The following MTUS2 variants were observed in gnomAD, a reference collection of about 807,000 sequenced individuals.
MTUS2 encodes microtubule-associated tumor suppressor candidate 2.
A neutral mutation model predicts 114.1 loss-of-function variants in MTUS2; 40 were observed. The observed-to-expected ratio is 0.35, with a 90% CI of 0.27 to 0.46. MTUS2 has a LOEUF of 0.46. Ranked by LOEUF, MTUS2 falls within the 20% of genes least tolerant of loss-of-function variation. The pLI, the probability that MTUS2 is intolerant of heterozygous loss-of-function variation, is 1.00. For synonymous variants in MTUS2, 688 were observed against 672.0 expected, an observed-to-expected ratio of 1.02 and a Z score of -0.37; for missense variants, 1,679 against 1,705.4, an observed-to-expected ratio of 0.98 and a Z score of 0.27.
chr13:29,117,463 C>T (rs1383261937), intron 5 of MTUS2, among the ~76,000 whole-genome samples: 1 of 152,184 alleles, frequency 6.6e-6, no homozygotes, highest in Non-Finnish European at 1.5e-5. Flanking sequence ...GCTGGTGTCC[C>T]TCCCCACCCA....
At chr13:29,138,626 C>T (rs1456847073) in intron 5 of MTUS2, among the ~76,000 whole-genome samples, 1 of 151,246 alleles carries the variant, frequency 6.6e-6, no homozygotes, top group African/African-American at 2.4e-5. Context: ...TTGGAGATGA[C>T]AAAAATGTTC....
At chr13:29,476,124 C>T (rs574917551) in intron 9 of MTUS2, among the ~76,000 whole-genome samples, 20 of 152,198 alleles carry the variant, frequency 1.3e-4, no homozygotes, top group African/African-American at 4.8e-4. Context: ...TTATAACTTC[C>T]TACAGTATTC....
chr13:29,162,906 G>A (rs1893159363), intron 5 of MTUS2, among the ~76,000 whole-genome samples: 1 of 152,158 alleles, frequency 6.6e-6, no homozygotes, highest in Admixed American at 6.5e-5. Context: ...ATCTGCTGTG[G>A]GCTGCAAATG....
rs1451604416 is a variant in MTUS2, at chr13:29,380,671, C to T, written c.3117+21198C>T. On this transcript the variant is annotated intron_variant, in intron 8 of 15. Transcript: ENST00000612955. The stretch of plus-strand genomic sequence containing the variant: ...GTGGCTCACGCCTGTAATCCCAGCA[C>T]TTTGGGAGGCCGAGGCGGGTGGATC... Among the ~76,000 whole-genome samples the T allele has an allele frequency of 4.2e-5, 3 of 71,106 alleles. 1 individual carries two copies. Among genetic ancestry groups the T allele is most frequent in the African/African-American group, 9.2e-5 (3 of 32,494 alleles). The allele number at this position is 71,106 out of a possible 152,430, so 46.6% of individuals were successfully genotyped here. A position where few individuals can be genotyped will look rare whatever the true frequency, so the allele number is the denominator to read the frequency against.
chr13:29,127,905 T>C (rs972837351), intron 5 of MTUS2, among the ~76,000 whole-genome samples: 19 of 152,368 alleles, frequency 1.2e-4, no homozygotes, highest in African/African-American at 3.1e-4. Flanking sequence ...TTTGGGGGTA[T>C]GGCACATACC....
chr13:29,456,949 A>G (rs1208027022), intron 9 of MTUS2, among the ~76,000 whole-genome samples: 1 of 151,860 alleles, frequency 6.6e-6, no homozygotes, highest in East Asian at 1.9e-4. Context: ...CATCCTGGCT[A>G]ACATGGTGAA....
intron 10 of MTUS2, among the ~76,000 whole-genome samples, chr13:29,483,067 T>C (rs973999697): frequency 2.0e-5 from 3 of 152,192 alleles, no homozygotes; most frequent in Admixed American, 2.0e-4. Flanking sequence ...TCAGGGTCCA[T>C]GGTGGACTCT....
chr13:29,047,052 G>A (rs990610397), intron 4 of MTUS2, among the ~76,000 whole-genome samples: 4 of 152,222 alleles, frequency 2.6e-5, no homozygotes, highest in African/African-American at 9.7e-5. Flanking sequence ...GACTGGCCAA[G>A]GAGGCACCCC....
At chr13:29,307,371 T>C (rs1459378483) in intron 6 of MTUS2, 3 of 808,052 alleles carry the variant, frequency 3.7e-6, no homozygotes, top group East Asian at 2.5e-5. Flanking sequence ...TGTGGTGTGA[T>C]AGCCATGGGG....
At chr13:29,446,238 G>C (rs1417037942) in intron 9 of MTUS2, among the ~76,000 whole-genome samples, 1 of 152,192 alleles carries the variant, frequency 6.6e-6, no homozygotes, top group Non-Finnish European at 1.5e-5. Context: ...TACAGTCATG[G>C]AGAATGATTC....
chr13:29,027,809 G>A (rs1017090006), intron 3 of MTUS2, among the ~76,000 whole-genome samples: 2 of 152,090 alleles, frequency 1.3e-5, no homozygotes, highest in Non-Finnish European at 2.9e-5. Context: ...AAAGTGCTGG[G>A]ATTACAGGCG....
At chr13:28,947,506 A>C (rs1303964791) in intron 2 of MTUS2, among the ~76,000 whole-genome samples, 2 of 152,224 alleles carry the variant, frequency 1.3e-5, no homozygotes, top group Admixed American at 1.3e-4. Context: ...CGGGGTCTTC[A>C]AAGTGTCTAC....
chr13:29,421,946 C>T (rs1876138896), intron 8 of MTUS2, among the ~76,000 whole-genome samples: 1 of 152,190 alleles, frequency 6.6e-6, no homozygotes, highest in African/African-American at 2.4e-5. Flanking sequence ...AACATTTTAA[C>T]ATTGACCTGC....
intron 2 of MTUS2, among the ~76,000 whole-genome samples, chr13:28,911,066 G>A (rs1235257371): frequency 1.3e-5 from 2 of 150,094 alleles, no homozygotes; most frequent in African/African-American, 4.9e-5. Context: ...TAGTAGAGAC[G>A]GGGTTTCACC....
intron 5 of MTUS2, among the ~76,000 whole-genome samples, chr13:29,256,527 C>T (rs1022578740): frequency 3.3e-5 from 5 of 152,240 alleles, no homozygotes; most frequent in South Asian, 2.1e-4. Context: ...TCCTTCCTAT[C>T]GTCACACTTT....
chr13:29,447,315 C>T (rs976836717), intron 9 of MTUS2, among the ~76,000 whole-genome samples: 41 of 151,462 alleles, frequency 2.7e-4, no homozygotes, highest in African/African-American at 9.1e-4. Flanking sequence ...AATGCCACTA[C>T]GGCTCAGTTT....
chr13:29,105,063 C>T (rs189543381), intron 5 of MTUS2, among the ~76,000 whole-genome samples: 52 of 152,270 alleles, frequency 3.4e-4, no homozygotes, highest in African/African-American at 7.7e-4. Flanking sequence ...AACACTGACA[C>T]GATGCCCATG....
chr13:29,258,244 G>A (rs567190176), intron 5 of MTUS2, among the ~76,000 whole-genome samples: 1 of 152,304 alleles, frequency 6.6e-6, no homozygotes, highest in South Asian at 2.1e-4. Flanking sequence ...CCTTGCAGTT[G>A]TAGGACTGAG....
chr13:28,824,651 T>C (rs1874141723), intron 1 of MTUS2, among the ~76,000 whole-genome samples: 1 of 152,068 alleles, frequency 6.6e-6, no homozygotes, highest in Non-Finnish European at 1.5e-5. Context: ...CTTTACTGCC[T>C]TTAACCAGTG....
Sources: allele counts gnomAD v4.1 joint callset (sites outside exome capture counted in the v4.1 genomes callset), GRCh38; gene constraint gnomAD v4.1.1; transcripts MANE v1.5; gene names NCBI Gene and HGNC (gene_info 2026-07-23, HGNC 2026-07-21).